The following CFAP54 variants were observed in gnomAD, a reference collection of about 807,000 sequenced individuals.
The protein encoded by CFAP54 is cilia and flagella associated protein 54, also known as cilia- and flagella-associated protein 54.
In CFAP54, 290 loss-of-function variants were observed where a neutral mutation model predicts 370.4. The ratio of observed to expected loss-of-function variants is 0.78; its 90% CI spans 0.71 to 0.86. CFAP54 has a LOEUF of 0.86. CFAP54 is among the 40% of genes least tolerant of loss of function. The pLI is 0.00. For missense variants in CFAP54, 3,399 were observed against 3,528.7 expected (o/e 0.96, Z 0.93); for synonymous variants, 1,206 against 1,236.5 (o/e 0.98, Z 0.52).
chr12:96,639,440 G>A (rs1414175951), intron 32 of CFAP54, among the ~76,000 whole-genome samples: 1 of 152,152 alleles, frequency 6.6e-6, no homozygotes, highest in Non-Finnish European at 1.5e-5. Flanking sequence ...ATCATTAATA[G>A]CTTACCAACC....
chr12:96,538,317 C>T, intron 12 of CFAP54, 67 bp from the exon 13 acceptor site: 2 of 1,310,908 alleles, frequency 1.5e-6, no homozygotes, highest in Non-Finnish European at 1.0e-6. Context: ...TTTCTCAGCA[C>T]ACAGTAAATG....
chr12:96,688,806 T>C, intron 42 of CFAP54, 110 bp from the exon 43 acceptor site: 2 of 560,934 alleles, frequency 3.6e-6, no homozygotes, highest in South Asian at 4.6e-5. Context: ...TTTATATGTA[T>C]GCATTTTTCT....
intron 12 of CFAP54, among the ~76,000 whole-genome samples, chr12:96,536,199 G>C (rs1485946385): frequency 1.3e-5 from 2 of 152,182 alleles, no homozygotes. Context: ...GTGAGAATGT[G>C]GTGTTTGGTT....
intron 1 of CFAP54, among the ~76,000 whole-genome samples, chr12:96,500,600 T>C (rs1431471019): frequency 4.6e-5 from 7 of 152,088 alleles, no homozygotes; most frequent in Admixed American, 3.3e-4. Context: ...GAACTTAAAA[T>C]TGCTCTATGA....
intron 66 of CFAP54, among the ~76,000 whole-genome samples, chr12:96,842,175 G>C (rs2093974909): frequency 6.6e-6 from 1 of 152,104 alleles, no homozygotes; most frequent in African/African-American, 2.4e-5. Context: ...ATTTGTGGCA[G>C]ATAATATATA....
intron 1 of CFAP54, among the ~76,000 whole-genome samples, chr12:96,498,549 AG>A (rs1954985129): frequency 6.6e-6 from 1 of 152,202 alleles, no homozygotes. Flanking sequence ...GCTACTCGGG[AG>A]GCTGAGGCAG....
intron 67 of CFAP54, among the ~76,000 whole-genome samples, chr12:96,862,478 A>G (rs1204471298): frequency 1.3e-5 from 2 of 152,164 alleles, no homozygotes; most frequent in Admixed American, 6.6e-5. Flanking sequence ...GAGAGAAGTG[A>G]CAAGTTCCTG....
intron 19 of CFAP54, among the ~76,000 whole-genome samples, chr12:96,569,882 AT>A (rs1358578862): frequency 3.3e-5 from 5 of 152,174 alleles, no homozygotes; most frequent in Admixed American, 2.0e-4. Flanking sequence ...GTTGGATTTA[AT>A]TGTTTTTCCT....
At chr12:96,504,994 T>TTTTC (rs140087516) in intron 3 of CFAP54, among the ~76,000 whole-genome samples, 1,847 of 149,002 alleles carry the variant, frequency 0.012, 38 homozygotes, top group East Asian at 0.055. Flanking sequence ...TCTTCTTTCT[T>TTTTC]TTTCTTTCTT....
In CFAP54 at chr12:96,650,109, TA is replaced by T. The variant is rs1869647453; in HGVS notation, c.4872+40del. 3 of 1,525,446 alleles carry T rather than the reference TA, an allele frequency of 2.0e-6. No individual in the cohort carries two copies. The African/African-American group carries it at 4.2e-5, about 21-fold the overall frequency. The allele number at this position is 1,525,446 out of a possible 1,614,324, so 94.5% of individuals were successfully genotyped here. On this transcript the variant is annotated intron_variant, in intron 35 of 67. Coordinates refer to ENST00000524981, the MANE Select transcript of CFAP54 (RefSeq NM_001306084.2). ...TTTCTTGTTTGCAGTGTAGTAGACA[TA>T]AATTTCAGCCCACCAACTTGGGCGT...
At chr12:96,787,979 C>T (rs1310762090) in intron 62 of CFAP54, among the ~76,000 whole-genome samples, 1 of 149,730 alleles carries the variant, frequency 6.7e-6, no homozygotes, top group Admixed American at 6.7e-5. Flanking sequence ...GTGGTGTGAT[C>T]TTTCTTGGCT....
intron 33 of CFAP54, chr12:96,645,179 G>C (rs1016956840): frequency 4.4e-6 from 2 of 456,592 alleles, no homozygotes; most frequent in Non-Finnish European, 8.8e-6. Flanking sequence ...CACTTACTGA[G>C]TGTCTTTGGC....
chr12:96,824,636 G>A (rs1330325810), intron 65 of CFAP54, among the ~76,000 whole-genome samples: 1 of 152,102 alleles, frequency 6.6e-6, no homozygotes, highest in Non-Finnish European at 1.5e-5. Context: ...GGACACTGGT[G>A]TACCCTGACT....
chr12:96,851,552 AC>A (rs1478705650), intron 66 of CFAP54, among the ~76,000 whole-genome samples: 8 of 152,044 alleles, frequency 5.3e-5, no homozygotes, highest in Admixed American at 3.3e-4. Context: ...TAAAACCCAA[AC>A]CCAAGCGTTT....
intron 8 of CFAP54, 50 bp downstream of exon 8, chr12:96,522,239 T>C: frequency 8.2e-7 from 1 of 1,222,840 alleles, no homozygotes; most frequent in Non-Finnish European, 1.1e-6. Flanking sequence ...GCAGTATATT[T>C]GTATTATGCT....
chr12:96,852,546 A>C (rs975673305), intron 66 of CFAP54, among the ~76,000 whole-genome samples: 1 of 152,120 alleles, frequency 6.6e-6, no homozygotes, highest in Non-Finnish European at 1.5e-5. Flanking sequence ...TAAATGTGGA[A>C]GATAAAACAA....
At chr12:96,675,286 C>A (rs957515706) in intron 39 of CFAP54, among the ~76,000 whole-genome samples, 17 of 152,184 alleles carry the variant, frequency 1.1e-4, no homozygotes, top group Non-Finnish European at 2.4e-4. Context: ...AGGATATGAA[C>A]AGACACTTCT....
At chr12:96,763,805 AAC>A (rs1958365116) in intron 58 of CFAP54, among the ~76,000 whole-genome samples, 1 of 152,202 alleles carries the variant, frequency 6.6e-6, no homozygotes, top group Non-Finnish European at 1.5e-5. Flanking sequence ...AATTTTTGTT[AAC>A]TTATTACACA....
At chr12:96,703,027 A>G (rs934848495) in intron 46 of CFAP54, among the ~76,000 whole-genome samples, 7 of 152,184 alleles carry the variant, frequency 4.6e-5, no homozygotes, top group African/African-American at 1.7e-4. Flanking sequence ...CCTTGGATTC[A>G]GTTACTCACT....
Sources: allele counts gnomAD v4.1 joint callset (sites outside exome capture counted in the v4.1 genomes callset), GRCh38; gene constraint gnomAD v4.1.1; transcripts MANE v1.5; gene names NCBI Gene and HGNC (gene_info 2026-07-23, HGNC 2026-07-21).